Variants in MTMR12 observed in about 807,000 individuals in gnomAD.
MTMR12 encodes myotubularin related protein 12, also known as myotubularin-related protein 12.
MTMR12 carries 33 observed loss-of-function variants against 96.7 expected under a neutral mutation model. The observed-to-expected ratio is 0.34, with a 90% CI of 0.26 to 0.46. MTMR12 has a LOEUF of 0.46. Ranked by LOEUF, MTMR12 falls within the 20% of genes least tolerant of loss-of-function variation. The pLI, the probability that MTMR12 is intolerant of heterozygous loss-of-function variation, is 1.00. For missense variants in MTMR12, 721 were observed against 896.1 expected, an observed-to-expected ratio of 0.80 and a Z score of 2.49; for synonymous variants, 298 against 327.2, an observed-to-expected ratio of 0.91 and a Z score of 0.96.
chr5:32,263,973 T>C (rs1749485875), intron 6 of MTMR12, among the ~76,000 whole-genome samples: 1 of 152,206 alleles, frequency 6.6e-6, no homozygotes, highest in Non-Finnish European at 1.5e-5. Context: ...ATGTAAATCC[T>C]CCTTCAGTTT....
chr5:32,292,801 G>T (rs1750782762), intron 1 of MTMR12, among the ~76,000 whole-genome samples: 1 of 152,248 alleles, frequency 6.6e-6, no homozygotes, highest in Non-Finnish European at 1.5e-5. Flanking sequence ...TGAAGGCAAA[G>T]GGAATACAGA....
chr5:32,292,756 AGG>A (rs1283533238), intron 1 of MTMR12, among the ~76,000 whole-genome samples: 1 of 121,448 alleles, frequency 8.2e-6, no homozygotes, highest in Non-Finnish European at 1.7e-5. Flanking sequence ...TCACTCCACT[AGG>A]GAAAAAAAAC....
chr5:32,262,968 A>G (rs570223487), intron 7 of MTMR12, 145 bp downstream of exon 7: 22 of 989,024 alleles, frequency 2.2e-5, no homozygotes, highest in Non-Finnish European at 3.0e-5. Context: ...GTGACAGCCA[A>G]TGGGTATGGA....
intron 8 of MTMR12, among the ~76,000 whole-genome samples, chr5:32,252,526 C>T (rs923429657): frequency 2.0e-5 from 3 of 152,210 alleles, no homozygotes; most frequent in African/African-American, 7.2e-5. Context: ...AATGTATGTA[C>T]ATGCAATCTT....
intron 5 of MTMR12, among the ~76,000 whole-genome samples, chr5:32,269,343 A>ATTG (rs1249899485): frequency 6.7e-6 from 1 of 148,998 alleles, no homozygotes; most frequent in African/African-American, 2.5e-5. Context: ...TATTATTATT[A>ATTG]TTGTTATTGA....
At chr5:32,299,188 A>T (rs953035353) in intron 1 of MTMR12, among the ~76,000 whole-genome samples, 4 of 152,298 alleles carry the variant, frequency 2.6e-5, no homozygotes, top group African/African-American at 9.6e-5. Context: ...CTGTGTAAAC[A>T]GCTTTCCACA....
intron 1 of MTMR12, among the ~76,000 whole-genome samples, chr5:32,283,344 A>G (rs755165331): frequency 3.3e-5 from 5 of 151,098 alleles, no homozygotes; most frequent in African/African-American, 9.7e-5. Flanking sequence ...GCCAGCCCTT[A>G]CTGAGGTTGA....
intron 1 of MTMR12, among the ~76,000 whole-genome samples, chr5:32,300,845 C>T (rs866684993): frequency 2.0e-5 from 3 of 152,150 alleles, no homozygotes; most frequent in African/African-American, 4.8e-5. Flanking sequence ...GAGGCCAAGA[C>T]GGGTAAATCA....
chr5:32,264,502 C>T (rs572099341), intron 6 of MTMR12, among the ~76,000 whole-genome samples: 2 of 151,918 alleles, frequency 1.3e-5, no homozygotes, highest in South Asian at 4.2e-4. Context: ...GCTCTTTCGC[C>T]CAGGCTGGAG....
chr5:32,259,680 C>G (rs1749280487), intron 7 of MTMR12, among the ~76,000 whole-genome samples: 1 of 152,094 alleles, frequency 6.6e-6, no homozygotes, highest in African/African-American at 2.4e-5. Context: ...TGAAGAGGGG[C>G]AGACAGTGCA....
intron 7 of MTMR12, among the ~76,000 whole-genome samples, chr5:32,260,336 G>A (rs948742743): frequency 6.6e-6 from 1 of 151,704 alleles, no homozygotes; most frequent in Non-Finnish European, 1.5e-5. Context: ...ATGCGACATG[G>A]AGAATGGATG....
chr5:32,280,196 A>G (rs917144672), intron 1 of MTMR12, among the ~76,000 whole-genome samples: 4 of 152,230 alleles, frequency 2.6e-5, no homozygotes, highest in Admixed American at 6.5e-5. Context: ...GCCCTGCCAG[A>G]AAGATCTTGA....
intron 2 of MTMR12, 85 bp from the exon 3 acceptor site, chr5:32,274,207 C>A: frequency 6.8e-7 from 1 of 1,471,984 alleles, no homozygotes; most frequent in Non-Finnish European, 9.2e-7. Flanking sequence ...GCCCTATTTA[C>A]ATAAGGACAA....
At position 32,241,129 on chromosome 5, in the gene MTMR12, T is replaced by A. The variant is rs1004387028; in HGVS notation, c.1171+928A>T. 3.3e-5 allele frequency among the ~76,000 whole-genome samples: 5 copies of A among 152,194 alleles called. 1 individual carries two copies. In the South Asian group the frequency reaches 8.3e-4, roughly 25 times the overall value. Reference sequence around the variant, plus strand: ...CCTGAGTCCTTCCGTTTCTTAGACCTCCAATCTTTATCCCTCCCCCTTTTC... The same window carrying A: ...CCTGAGTCCTTCCGTTTCTTAGACCACCAATCTTTATCCCTCCCCCTTTTC... On this transcript the variant is annotated intron_variant, in intron 12 of 15. Transcript: ENST00000382142.
At position 32,233,701 on chromosome 5, in the gene MTMR12, G is replaced by GTC; in HGVS notation, c.1674+71_1674+72insGA. Reference sequence around the variant, plus strand: ...TAGAAAATGCTGGCAGACAGAATCCGTAAGTACCTTTTATCATTACATGCA... The same window carrying GTC: ...TAGAAAATGCTGGCAGACAGAATCCGTCTAAGTACCTTTTATCATTACATGCA... On this transcript the variant is annotated intron_variant, in intron 15 of 15. Coordinates refer to ENST00000382142, the MANE Select transcript of MTMR12 (RefSeq NM_001040446.3). This position sits in a 1 kb window ranked among gnomAD's most constrained non-coding sequence, Gnocchi z 5.0. 1 of 1,597,114 alleles carries GTC rather than the reference G, an allele frequency of 6.3e-7. No individual in the cohort carries two copies. The highest frequency in any genetic ancestry group is 8.6e-7 in the Non-Finnish European group (1 of 1,167,548).
intron 13 of MTMR12, among the ~76,000 whole-genome samples, chr5:32,236,391 A>G (rs1673192312): frequency 6.6e-6 from 1 of 152,154 alleles, no homozygotes; most frequent in Admixed American, 6.5e-5. Context: ...TGCAAAAAAT[A>G]CAAAAATTAG....
At chr5:32,230,524 G>A (rs1561732291) in intron 15 of MTMR12, among the ~76,000 whole-genome samples, 177 bp from the exon 16 acceptor site, 1 of 152,216 alleles carries the variant, frequency 6.6e-6, no homozygotes, top group Non-Finnish European at 1.5e-5. Flanking sequence ...GTATTCCTGT[G>A]TATTGCCATG....
intron 1 of MTMR12, among the ~76,000 whole-genome samples, chr5:32,297,488 A>G (rs145674537): frequency 8.0e-4 from 121 of 152,018 alleles, no homozygotes; most frequent in Non-Finnish European, 1.5e-3. Flanking sequence ...AGCAATACTT[A>G]TTCACTTGGC....
chr5:32,289,400 G>T (rs564157391), intron 1 of MTMR12, among the ~76,000 whole-genome samples: 1 of 151,812 alleles, frequency 6.6e-6, no homozygotes, highest in Non-Finnish European at 1.5e-5. Flanking sequence ...AGGGGAGGCC[G>T]GGTCCCCTTG....
Sources: gnomAD v4.1 joint callset for allele counts (sites outside exome capture counted in the v4.1 genomes callset) on GRCh38, gnomAD v4.1.1 for gene constraint, Gnocchi (gnomAD v3.1) non-coding constraint, MANE v1.5 for transcripts, NCBI Gene and HGNC (gene_info 2026-07-23, HGNC 2026-07-21) for gene names.